RABGEF1: variants seen among roughly 807,000 people sequenced by gnomAD.
RABGEF1 encodes rab5 GDP/GTP exchange factor.
A neutral mutation model predicts 57.3 loss-of-function variants in RABGEF1; 26 were observed. The ratio of observed to expected loss-of-function variants is 0.45; its 90% CI spans 0.33 to 0.63. The LOEUF is 0.63. RABGEF1 is among the 20% of genes least tolerant of loss of function. The pLI, the probability that RABGEF1 is intolerant of heterozygous loss-of-function variation, is 0.02. For missense variants in RABGEF1, 464 were observed against 607.6 expected (o/e 0.76, Z 2.48); for synonymous variants, 185 against 210.7 (o/e 0.88, Z 1.06).
chr7:66,689,901 G>A (rs1791262986), intron 1 of RABGEF1, among the ~76,000 whole-genome samples: 1 of 152,002 alleles, frequency 6.6e-6, no homozygotes, highest in African/African-American at 2.4e-5. Flanking sequence ...CTCACTGGGT[G>A]GCTTTACCAG....
chr7:66,708,714 A>T (rs1392006898), intron 1 of RABGEF1, among the ~76,000 whole-genome samples: 1 of 152,092 alleles, frequency 6.6e-6, no homozygotes, highest in Non-Finnish European at 1.5e-5. Context: ...CAGGAGGCTG[A>T]GGTGGGAGGA....
At chr7:66,757,570 G>C (rs1480055751) in intron 1 of RABGEF1, among the ~76,000 whole-genome samples, 1 of 152,182 alleles carries the variant, frequency 6.6e-6, no homozygotes, top group African/African-American at 2.4e-5. Flanking sequence ...GAACACTATA[G>C]GAATATGTAC....
chr7:66,664,428 G>T, the RABGEF1 span, among the ~76,000 whole-genome samples: 368 of 141,254 alleles, frequency 2.6e-3, 2 homozygotes, highest in Middle Eastern at 7.2e-3. Context: ...GAAGTTTTTT[G>T]TTTTTTTTTT....
the RABGEF1 span, among the ~76,000 whole-genome samples, chr7:66,673,845 C>T: frequency 6.6e-6 from 1 of 151,836 alleles, no homozygotes; most frequent in East Asian, 1.9e-4. Flanking sequence ...CACCACTGCC[C>T]TCCAGCCTGG....
intron 4 of RABGEF1, among the ~76,000 whole-genome samples, chr7:66,785,946 C>T (rs1209746458): frequency 6.6e-6 from 1 of 151,994 alleles, no homozygotes; most frequent in Non-Finnish European, 1.5e-5. Context: ...ATGTTATTAC[C>T]ACCAACTAAA....
At chr7:66,760,276 A>G (rs754583202) in intron 1 of RABGEF1, among the ~76,000 whole-genome samples, 2 of 152,168 alleles carry the variant, frequency 1.3e-5, no homozygotes, top group Non-Finnish European at 2.9e-5. Context: ...TAGAAATCCT[A>G]GAGTATGTGA....
the RABGEF1 span, among the ~76,000 whole-genome samples, chr7:66,671,860 C>G: frequency 6.6e-6 from 1 of 150,668 alleles, no homozygotes; most frequent in East Asian, 2.0e-4. Flanking sequence ...CTGCACTGCC[C>G]AAGCTGAGTG....
At chr7:66,663,105 T>G in the RABGEF1 span, among the ~76,000 whole-genome samples, 2 of 152,370 alleles carry the variant, frequency 1.3e-5, no homozygotes, top group South Asian at 4.1e-4. Flanking sequence ...ACATGAGCGC[T>G]CTGTGTCTTA....
At chr7:66,771,161 CAG>C (rs1381237595) in intron 1 of RABGEF1, among the ~76,000 whole-genome samples, 2 of 152,042 alleles carry the variant, frequency 1.3e-5, no homozygotes, top group African/African-American at 2.4e-5. Flanking sequence ...TCTTTTGAGA[CAG>C]AGTCTTGCTC....
the RABGEF1 span, among the ~76,000 whole-genome samples, chr7:66,663,858 A>G: frequency 1.3e-5 from 2 of 151,718 alleles, no homozygotes; most frequent in Non-Finnish European, 2.9e-5. Flanking sequence ...TGGATCACCT[A>G]AGGGCAGGAC....
intron 1 of RABGEF1, among the ~76,000 whole-genome samples, chr7:66,707,879 A>G (rs1794318041): frequency 6.6e-6 from 1 of 152,066 alleles, no homozygotes; most frequent in South Asian, 2.1e-4. Flanking sequence ...TGTCTCTAGT[A>G]ACATTTTTTT....
At chr7:66,770,020 A>G (rs1334206276) in intron 1 of RABGEF1, among the ~76,000 whole-genome samples, 1 of 151,960 alleles carries the variant, frequency 6.6e-6, no homozygotes. Flanking sequence ...GTCTCTCTAT[A>G]CTCCGTAAGT....
chr7:66,723,128 C>T (rs1386047550), intron 2 of RABGEF1, among the ~76,000 whole-genome samples: 1 of 152,036 alleles, frequency 6.6e-6, no homozygotes, highest in Non-Finnish European at 1.5e-5. Flanking sequence ...GCTGCCACGC[C>T]CGGCTAGTTT....
chr7:66,699,219 A>T (rs1228118626), intron 1 of RABGEF1, among the ~76,000 whole-genome samples: 1 of 152,182 alleles, frequency 6.6e-6, no homozygotes, highest in Non-Finnish European at 1.5e-5. Flanking sequence ...CTAGGGACCC[A>T]TGTCCAGCCC....
intron 1 of RABGEF1, among the ~76,000 whole-genome samples, chr7:66,697,102 A>G (rs1485831754): frequency 2.0e-5 from 3 of 152,174 alleles, no homozygotes; most frequent in Admixed American, 6.5e-5. Context: ...CAGGAAGCAC[A>G]GTCATGGTGG....
At chr7:66,763,076 C>T (rs1362531122) in intron 1 of RABGEF1, among the ~76,000 whole-genome samples, 1 of 152,204 alleles carries the variant, frequency 6.6e-6, no homozygotes, top group Non-Finnish European at 1.5e-5. Context: ...TAGCTCGCTG[C>T]AGCCTCAAAT....
chr7:66,705,766 A>G (rs966185197), intron 1 of RABGEF1, among the ~76,000 whole-genome samples: 1 of 149,556 alleles, frequency 6.7e-6, no homozygotes, highest in Non-Finnish European at 1.5e-5. Flanking sequence ...CTGGAGTGCA[A>G]TGGTGTGATC....
chr7:66,765,787 C>T lies in RABGEF1; in HGVS notation c.-17-6096C>T, dbSNP rs1805549169. 2.6e-5 allele frequency among the ~76,000 whole-genome samples: 4 copies of T among 152,108 alleles called. No homozygotes were observed. The South Asian group carries it at 6.2e-4, about 24-fold the overall frequency. On this transcript the variant is annotated intron_variant, in intron 1 of 8. Coordinates refer to ENST00000284957, the MANE Select transcript of RABGEF1 (RefSeq NM_014504.3). ...ACAGTTGGAGGCAATCAGCTGTGAT[C>T]CTGAATTGGGGGACCATTCACCTTA...
chr7:66,676,539 G>C, the RABGEF1 span, among the ~76,000 whole-genome samples: 46 of 152,240 alleles, frequency 3.0e-4, no homozygotes, highest in East Asian at 8.9e-3. Context: ...TACGCAGTTC[G>C]GACCTGTGTT....
Sources: gnomAD v4.1 joint callset for allele counts (sites outside exome capture counted in the v4.1 genomes callset) on GRCh38, gnomAD v4.1.1 for gene constraint, MANE v1.5 for transcripts, NCBI Gene and HGNC (gene_info 2026-07-23, HGNC 2026-07-21) for gene names.